The following LRRTM4 variants were observed in gnomAD, a reference collection of about 807,000 sequenced individuals.
LRRTM4 encodes leucine rich repeat transmembrane neuronal 4.
Under a neutral mutation model 47.6 loss-of-function variants are expected in LRRTM4, and 25 were observed. The observed-to-expected ratio is 0.53, with a 90% CI of 0.38 to 0.73. The LOEUF (loss-of-function observed/expected upper bound fraction) is 0.73, where lower values mean the gene tolerates loss of function less well. Among genes scored for constraint, LRRTM4 ranks in the 30% least tolerant of loss-of-function variants. The probability of loss-of-function intolerance (pLI) is 0.00; values close to 1 mark genes in which losing one functional copy is unlikely to be tolerated. For missense variants in LRRTM4, 638 were observed against 713.4 expected, an observed-to-expected ratio of 0.89 and a Z score of 1.20; for synonymous variants, 311 against 269.5, an observed-to-expected ratio of 1.15 and a Z score of -1.51.
At chr2:77,479,277 G>T (rs1002462183) in intron 3 of LRRTM4, among the ~76,000 whole-genome samples, 34 of 152,174 alleles carry the variant, frequency 2.2e-4, no homozygotes, top group African/African-American at 8.2e-4. Flanking sequence ...TAGTGCTAAG[G>T]TCTGATTTTT....
intron 3 of LRRTM4, among the ~76,000 whole-genome samples, chr2:76,813,215 T>C (rs965842016): frequency 2.6e-5 from 4 of 152,146 alleles, no homozygotes; most frequent in African/African-American, 9.7e-5. Flanking sequence ...CATGTATATG[T>C]GTATATATTT....
chr2:76,849,974 G>T (rs1432435306), intron 3 of LRRTM4, among the ~76,000 whole-genome samples: 1 of 152,086 alleles, frequency 6.6e-6, no homozygotes, highest in Non-Finnish European at 1.5e-5. Context: ...AATTTCTAGG[G>T]CATAGGTACT....
intron 3 of LRRTM4, among the ~76,000 whole-genome samples, chr2:76,891,026 T>G (rs1274068162): frequency 6.6e-6 from 1 of 151,838 alleles, no homozygotes; most frequent in Non-Finnish European, 1.5e-5. Flanking sequence ...ACAGAAGGTC[T>G]TGACATTTCG....
chr2:76,953,715 T>G (rs1316149349), intron 3 of LRRTM4, among the ~76,000 whole-genome samples: 1 of 151,884 alleles, frequency 6.6e-6, no homozygotes, highest in Non-Finnish European at 1.5e-5. Context: ...TGGGATTAAA[T>G]GCCTGGTTTG....
At chr2:76,859,524 T>C (rs1558697604) in intron 3 of LRRTM4, among the ~76,000 whole-genome samples, 2 of 152,298 alleles carry the variant, frequency 1.3e-5, no homozygotes, top group South Asian at 4.1e-4. Flanking sequence ...AATAGCATAG[T>C]TGAATTTAGA....
At chr2:77,396,356 G>C (rs1673704273) in intron 3 of LRRTM4, among the ~76,000 whole-genome samples, 1 of 151,824 alleles carries the variant, frequency 6.6e-6, no homozygotes, top group Non-Finnish European at 1.5e-5. Context: ...TTTCCAGCTT[G>C]TATTCTAGCA....
At chr2:76,885,613 C>T (rs1673050650) in intron 3 of LRRTM4, among the ~76,000 whole-genome samples, 1 of 151,982 alleles carries the variant, frequency 6.6e-6, no homozygotes, top group Admixed American at 6.6e-5. Flanking sequence ...CAAGCGCCCA[C>T]CGCCACCACG....
chr2:77,217,985 T>G (rs963435590), intron 3 of LRRTM4, among the ~76,000 whole-genome samples: 1 of 152,132 alleles, frequency 6.6e-6, no homozygotes, highest in African/African-American at 2.4e-5. Flanking sequence ...GCTTTATTTT[T>G]TTTTATTTTA....
intron 3 of LRRTM4, among the ~76,000 whole-genome samples, chr2:76,925,870 A>G (rs548812996): frequency 1.3e-5 from 2 of 152,296 alleles, no homozygotes; most frequent in African/African-American, 4.8e-5. Context: ...CTCACACAGT[A>G]TTTATAATGA....
At chr2:76,781,288 G>A (rs1028570497) in intron 3 of LRRTM4, among the ~76,000 whole-genome samples, 1 of 152,248 alleles carries the variant, frequency 6.6e-6, no homozygotes, top group Non-Finnish European at 1.5e-5. Context: ...CACCCAGTTC[G>A]AGCTTCCTGG....
chr2:77,335,057 T>C (rs1240698915), intron 3 of LRRTM4, among the ~76,000 whole-genome samples: 1 of 152,198 alleles, frequency 6.6e-6, no homozygotes, highest in African/African-American at 2.4e-5. Flanking sequence ...TTTTAATGCC[T>C]CTAAGTTGTT....
chr2:77,381,750 T>A (rs1002297989), intron 3 of LRRTM4, among the ~76,000 whole-genome samples: 1 of 151,970 alleles, frequency 6.6e-6, no homozygotes, highest in African/African-American at 2.4e-5. Flanking sequence ...AAAAATAATA[T>A]CCATTAAACC....
chr2:76,961,527 A>T (rs1675860558), intron 3 of LRRTM4, among the ~76,000 whole-genome samples: 1 of 151,422 alleles, frequency 6.6e-6, no homozygotes, highest in South Asian at 2.1e-4. Flanking sequence ...TCACTGAACC[A>T]TTAGCCAGAA....
At chr2:77,266,907 T>C (rs1489164214) in intron 3 of LRRTM4, among the ~76,000 whole-genome samples, 1 of 151,958 alleles carries the variant, frequency 6.6e-6, no homozygotes, top group Non-Finnish European at 1.5e-5. Context: ...GAATAAAAGG[T>C]TGTTAAATAA....
chr2:76,970,620 C>T (rs931551465), intron 3 of LRRTM4, among the ~76,000 whole-genome samples: 2 of 152,006 alleles, frequency 1.3e-5, no homozygotes, highest in African/African-American at 2.4e-5. Flanking sequence ...ATGAGACTTG[C>T]GATTTCTCAC....
chr2:77,273,544 G>T (rs1388337653), intron 3 of LRRTM4, among the ~76,000 whole-genome samples: 1 of 152,080 alleles, frequency 6.6e-6, no homozygotes, highest in Non-Finnish European at 1.5e-5. Flanking sequence ...ATAAGTGGGG[G>T]TTATTATTTA....
At chr2:77,399,505 C>A (rs1673853867) in intron 3 of LRRTM4, among the ~76,000 whole-genome samples, 1 of 151,778 alleles carries the variant, frequency 6.6e-6, no homozygotes, top group Non-Finnish European at 1.5e-5. Context: ...AGAGGTTACA[C>A]AATTCCAGTT....
At chr2:76,965,744 CAG>C (rs1676004036) in intron 3 of LRRTM4, among the ~76,000 whole-genome samples, 1 of 151,288 alleles carries the variant, frequency 6.6e-6, no homozygotes, top group South Asian at 2.1e-4. Context: ...GTAAAATACA[CAG>C]TACTTGAAAA....
chr2:77,049,747 TTACTC>T (rs1270678646), intron 3 of LRRTM4, among the ~76,000 whole-genome samples: 2 of 151,964 alleles, frequency 1.3e-5, no homozygotes, highest in Non-Finnish European at 2.9e-5. Flanking sequence ...GGTTGTCTCT[TTACTC>T]TGTTTATTGT....
Sources: allele counts gnomAD v4.1 joint callset (sites outside exome capture counted in the v4.1 genomes callset), GRCh38; gene constraint gnomAD v4.1.1; transcripts MANE v1.5; gene names NCBI Gene and HGNC (gene_info 2026-07-23, HGNC 2026-07-21).